Variants in TVP23C observed in about 807,000 individuals in gnomAD.
The protein encoded by TVP23C is Golgi apparatus membrane protein TVP23 homolog C.
Under a neutral mutation model 28.7 loss-of-function variants are expected in TVP23C, and 19 were observed. The ratio of observed to expected loss-of-function variants is 0.66; its 90% CI spans 0.46 to 0.97. The LOEUF is 0.97. Ranked by LOEUF, TVP23C falls within the 50% of genes least tolerant of loss-of-function variation. The probability of loss-of-function intolerance (pLI) is 0.00; values close to 1 mark genes in which losing one functional copy is unlikely to be tolerated. For synonymous variants in TVP23C, 68 were observed against 81.7 expected (o/e 0.83, Z 0.90); for missense variants, 186 against 241.3 (o/e 0.77, Z 1.52).
chr17:15,542,390 G>A (rs1259170061), intron 5 of TVP23C, among the ~76,000 whole-genome samples: 1 of 152,208 alleles, frequency 6.6e-6, no homozygotes, highest in East Asian at 1.9e-4. Flanking sequence ...AAGTGAGGAG[G>A]TGGGAGACTC....
Position 15,539,507 on chromosome 17 carries a change from G to A in TVP23C, c.*905C>T. The A allele has an allele frequency of 1.9e-6, 1 of 529,882 alleles. No individual in the cohort carries two copies. The highest frequency in any genetic ancestry group is 2.4e-6 in the Non-Finnish European group (1 of 414,314). The allele number at this position is 529,882 out of a possible 1,614,324, so 32.8% of individuals were successfully genotyped here. A position where few individuals can be genotyped will look rare whatever the true frequency, so the allele number is the denominator to read the frequency against. On this transcript the variant is annotated 3_prime_UTR_variant, in exon 6 of 6. Coordinates refer to ENST00000518321, the MANE Select transcript of TVP23C (RefSeq NM_001135036.2). ...AGTCCCAGCTACTCGGGAGGCTGAT[G>A]CAGGAGAATGGCGTGAACCCGGGAG...
At chr17:15,563,177 C>CG in intron 1 of TVP23C, 9 of 555,528 alleles carry the variant, frequency 1.6e-5, no homozygotes, top group Admixed American at 3.4e-5. Flanking sequence ...GAGAGACCCC[C>CG]ACTCGCGCTG....
intron 5 of TVP23C, among the ~76,000 whole-genome samples, chr17:15,527,838 G>A (rs549024042): frequency 4.6e-5 from 7 of 152,328 alleles, no homozygotes; most frequent in South Asian, 4.1e-4. Context: ...GAAACAATTC[G>A]TGGAAAGCAC....
At position 15,503,148 on chromosome 17, in the gene TVP23C, T is replaced by C. The variant is rs531938155; in HGVS notation, c.547A>G (p.Ile183Val). The C allele has an allele frequency of 3.4e-5, 55 of 1,603,542 alleles. 2 individuals carry two copies. The South Asian group carries it at 5.7e-4, about 17-fold the overall frequency. Reference sequence around the variant, plus strand: ...CCCGGGCAGCGGCTCACGCCTGTTATCCCAGCGCTTTGGAAGGCGGAAGCG... The same window carrying C: ...CCCGGGCAGCGGCTCACGCCTGTTACCCCAGCGCTTTGGAAGGCGGAAGCG... Residue 183 changes from isoleucine (I) to valine (V), a missense_variant, in exon 6 of 6, where the codon ATA becomes GTA. Physicochemically the swap from Ile to Val is conservative, Grantham distance 29. Coordinates refer to the TVP23C transcript ENST00000225576.
At position 15,515,528 on chromosome 17, in the gene TVP23C, C is replaced by T. The variant is rs559013860; in HGVS notation, c.463-12296G>A. 1.8e-3 allele frequency among the ~76,000 whole-genome samples: 276 copies of T among 152,272 alleles called. 1 individual carries two copies. Among genetic ancestry groups the T allele is most frequent in the African/African-American group, 6.4e-3 (267 of 41,562 alleles). ...CGTGAGCAATGAAAAATGAACTACA[C>T]GAGATACGATTTTCATGCTGAAAAA... On this transcript the variant is annotated intron_variant, in intron 5 of 5. Transcript: ENST00000225576.
chr17:15,519,012 C>T lies in TVP23C; in HGVS notation c.463-15780G>A, dbSNP rs1388354786. 3.3e-5 allele frequency among the ~76,000 whole-genome samples: 5 copies of T among 152,270 alleles called. No individual in the cohort carries two copies. The East Asian group carries it at 7.7e-4, about 24-fold the overall frequency. ...TGTGTCGCAGTTCCCCACTCTCTCT[C>T]GCTCTCCTGCCATCATGTTAAATGT... On this transcript the variant is annotated intron_variant, in intron 5 of 5. Transcript: ENST00000225576.
At chr17:15,555,254 A>G in intron 2 of TVP23C, 28 bp downstream of exon 2, 2 of 1,613,884 alleles carry the variant, frequency 1.2e-6, no homozygotes, top group Non-Finnish European at 1.7e-6. Context: ...CTGGACACTA[A>G]CACAGCTCAT....
At chr17:15,510,501 G>A (rs1981952812) in intron 5 of TVP23C, among the ~76,000 whole-genome samples, 1 of 152,136 alleles carries the variant, frequency 6.6e-6, no homozygotes, top group African/African-American at 2.4e-5. Flanking sequence ...GCCAGTCTGG[G>A]GAGAAAAGGG....
rs1324533645 is a variant in TVP23C, at chr17:15,538,546, C to T, written c.*1866G>A. 22 of 916,418 alleles carry T rather than the reference C, an allele frequency of 2.4e-5. No homozygotes were observed. The highest frequency in any genetic ancestry group is 5.0e-5 in the South Asian group (1 of 19,932). The allele number at this position is 916,418 out of a possible 1,614,324, so 56.8% of individuals were successfully genotyped here. A position where few individuals can be genotyped will look rare whatever the true frequency, so the allele number is the denominator to read the frequency against. On this transcript the variant is annotated 3_prime_UTR_variant, in exon 6 of 6. Coordinates refer to ENST00000518321, the MANE Select transcript of TVP23C (RefSeq NM_001135036.2). Reference sequence around the variant, plus strand: ...TGGAGTTTGCAGTGAGCCGAGATCGCGCCACTGCACTCCAGCCTGGGCAAA... The same window carrying T: ...TGGAGTTTGCAGTGAGCCGAGATCGTGCCACTGCACTCCAGCCTGGGCAAA...
intron 5 of TVP23C, among the ~76,000 whole-genome samples, chr17:15,505,503 A>T (rs1981683031): frequency 6.6e-6 from 1 of 152,060 alleles, no homozygotes; most frequent in Admixed American, 6.6e-5. Flanking sequence ...CGCCACCGGG[A>T]GCCCCATACT....
Position 15,540,065 on chromosome 17 carries a change from C to A in TVP23C, c.*347G>T. ...CCGAGATTGCACCACTGCACTCCAGCCTGGGCGACAGAGCAAAACTCTGTC... is the reference window on the plus strand; with the variant it reads ...CCGAGATTGCACCACTGCACTCCAGACTGGGCGACAGAGCAAAACTCTGTC... On this transcript the variant is annotated 3_prime_UTR_variant, in exon 6 of 6. Coordinates refer to ENST00000518321, the MANE Select transcript of TVP23C (RefSeq NM_001135036.2). 1.0e-5 allele frequency: 11 copies of A among 1,103,838 alleles called. No individual in the cohort carries two copies. The highest frequency in any genetic ancestry group is 1.2e-5 in the Non-Finnish European group (11 of 902,112). The allele number at this position is 1,103,838 out of a possible 1,614,324, so 68.4% of individuals were successfully genotyped here.
At position 15,537,835 on chromosome 17, in the gene TVP23C, G is replaced by A. The variant is rs1983218876; in HGVS notation, c.*2577C>T. On this transcript the variant is annotated 3_prime_UTR_variant, in exon 6 of 6. Transcript: ENST00000518321. ...TGTAAATGAACACTTTCATTAACTT[G>A]GGATATACAGGTATTACATGGCCGT... is the stretch of plus-strand genomic sequence containing the variant. 8.2e-7 allele frequency: 1 copy of A among 1,220,574 alleles called. No homozygotes were observed. The highest frequency in any genetic ancestry group is 1.6e-5 in the African/African-American group (1 of 64,354). The allele number at this position is 1,220,574 out of a possible 1,614,324, so 75.6% of individuals were successfully genotyped here.
rs1298535502 is a variant in TVP23C at position 15,540,293 on chromosome 17, A to G, written c.*119T>C. The G allele has an allele frequency of 4.4e-6, 6 of 1,367,178 alleles. No homozygotes were observed. In the Middle Eastern group the frequency reaches 8.0e-4, roughly 182 times the overall value. The allele number at this position is 1,367,178 out of a possible 1,614,324, so 84.7% of individuals were successfully genotyped here. The stretch of plus-strand genomic sequence containing the variant: ...CAGACTGTCTTGAACACCCCCAAAG[A>G]GCAATTACAACATCTTTATCATTAT... On this transcript the variant is annotated 3_prime_UTR_variant, in exon 6 of 6. Transcript: ENST00000518321.
chr17:15,540,632 A>T, intron 5 of TVP23C, 71 bp from the exon 6 acceptor site: 1 of 1,271,034 alleles, frequency 7.9e-7, no homozygotes, highest in Non-Finnish European at 1.1e-6. Context: ...CATAAATGAG[A>T]CAAGGCAGAC....
At chr17:15,562,269 A>G (rs1450658004) in intron 1 of TVP23C, 2 of 152,368 alleles carry the variant, frequency 1.3e-5, no homozygotes, top group Non-Finnish European at 2.9e-5. Flanking sequence ...GCCAGGCTGG[A>G]TGGAGTGCAG....
intron 5 of TVP23C, among the ~76,000 whole-genome samples, chr17:15,523,491 G>A (rs2150837079): frequency 7.2e-6 from 1 of 139,558 alleles, no homozygotes; most frequent in Non-Finnish European, 1.6e-5. Context: ...TTGTATTTTT[G>A]TAGAGACGGG....
At chr17:15,517,834 T>G (rs944292057) in intron 5 of TVP23C, among the ~76,000 whole-genome samples, 1 of 152,122 alleles carries the variant, frequency 6.6e-6, no homozygotes. Flanking sequence ...ATGCCCATTC[T>G]CTTCCCACTG....
At position 15,539,029 on chromosome 17, in the gene TVP23C, T is replaced by C; in HGVS notation, c.*1383A>G. On this transcript the variant is annotated 3_prime_UTR_variant, in exon 6 of 6. Transcript: ENST00000518321. ...TTTAAGATCTAGCTTTGTACCACTATTAGCTGTATAATCTTAAGTAAATAA... is the reference window on the plus strand; with the variant it reads ...TTTAAGATCTAGCTTTGTACCACTACTAGCTGTATAATCTTAAGTAAATAA... 1 of 985,360 alleles carries C rather than the reference T, an allele frequency of 1.0e-6. No homozygotes were observed. Among genetic ancestry groups the C allele is most frequent in the Non-Finnish European group, 1.2e-6 (1 of 829,596 alleles). The allele number at this position is 985,360 out of a possible 1,614,324, so 61.0% of individuals were successfully genotyped here.
chr17:15,508,220 C>T (rs1981849392), intron 5 of TVP23C, among the ~76,000 whole-genome samples: 1 of 152,158 alleles, frequency 6.6e-6, no homozygotes, highest in African/African-American at 2.4e-5. Flanking sequence ...GGACTGGCTC[C>T]ATGACCTCCA....
Sources: gnomAD v4.1 joint callset for allele counts (sites outside exome capture counted in the v4.1 genomes callset) on GRCh38, gnomAD v4.1.1 for gene constraint, MANE v1.5 for transcripts, NCBI Gene and HGNC (gene_info 2026-07-23, HGNC 2026-07-21) for gene names.